Variants in C17orf67 observed in about 807,000 individuals in gnomAD.
C17orf67 encodes uncharacterized protein C17orf67.
A neutral mutation model predicts 11.2 loss-of-function variants in C17orf67; 12 were observed. That is an observed-to-expected ratio of 1.07 (90% CI 0.68 to 1.73). C17orf67 has a LOEUF of 1.73. Among genes scored for constraint, C17orf67 ranks in the 40% most tolerant of loss-of-function variants. C17orf67 has a pLI of 0.00. For synonymous variants in C17orf67, 59 were observed against 46.9 expected (o/e 1.26, Z -1.05); for missense variants, 115 against 113.5 (o/e 1.01, Z -0.06).
At chr17:56,823,750 C>G (rs1905961014) in intron 4 of C17orf67, among the ~76,000 whole-genome samples, 1 of 152,096 alleles carries the variant, frequency 6.6e-6, no homozygotes, top group African/African-American at 2.4e-5. Context: ...CACACAAAAA[C>G]CTGCACACAG....
chr17:56,820,533 A>G (rs760924115), intron 4 of C17orf67, among the ~76,000 whole-genome samples: 16 of 152,210 alleles, frequency 1.1e-4, no homozygotes, highest in Admixed American at 2.6e-4. Flanking sequence ...AAGTACCCAG[A>G]GAAAACCCAC....
chr17:56,812,933 C>T (rs1717876680), intron 6 of C17orf67, among the ~76,000 whole-genome samples: 2 of 152,174 alleles, frequency 1.3e-5, no homozygotes, highest in African/African-American at 4.8e-5. Flanking sequence ...GCAATTCAAA[C>T]CCACCTGTTC....
intron 6 of C17orf67, among the ~76,000 whole-genome samples, chr17:56,809,242 C>T (rs982205821): frequency 1.3e-5 from 2 of 151,766 alleles, no homozygotes; most frequent in East Asian, 1.9e-4. Flanking sequence ...CTCTAAAGGG[C>T]CCCTGGAAAC....
In C17orf67 at chr17:56,833,855, A is replaced by G. The variant is rs2144169450; in HGVS notation, c.-1239T>C. 1 of 151,440 alleles carries G rather than the reference A, an allele frequency of 6.6e-6. No homozygotes were observed. Among genetic ancestry groups the G allele is most frequent in the South Asian group, 2.1e-4 (1 of 4,784 alleles). The allele number at this position is 151,440 out of a possible 1,614,324, so 9.4% of individuals were successfully genotyped here. ...CTTGCCCCGCCGGCGGCTTTCCAGA[A>G]TTTTCTACGATTACGAAGTTTTGGC... is the stretch of plus-strand genomic sequence containing the variant. On this transcript the variant is annotated 5_prime_UTR_variant, in exon 1 of 8. Coordinates refer to ENST00000397861, the MANE Select transcript of C17orf67 (RefSeq NM_001085430.4).
intron 4 of C17orf67, among the ~76,000 whole-genome samples, chr17:56,820,791 G>A (rs62072680): frequency 8.6e-6 from 1 of 116,110 alleles, no homozygotes; most frequent in East Asian, 2.2e-4. Flanking sequence ...TTTTTTTTTG[G>A]AAGGAACTGT....
At position 56,815,292 on chromosome 17, in the gene C17orf67, G is replaced by GT. The variant is rs536128292; in HGVS notation, c.56-324dup. Among the ~76,000 whole-genome samples the GT allele has an allele frequency of 3.9e-5, 6 of 152,092 alleles. No homozygotes were observed. In the South Asian group the frequency reaches 1.0e-3, roughly 26 times the overall value. On this transcript the variant is annotated intron_variant, in intron 5 of 7. Coordinates refer to ENST00000397861, the MANE Select transcript of C17orf67 (RefSeq NM_001085430.4). ...GTGTCTTAGGTTTGCTTTCATGGAA[G>GT]TTTTTTTTAATCCTCACTACACTAA...
rs1406212257 is a variant in C17orf67, at chr17:56,833,795, G to C, written c.-1179C>G. ...GGCGTGAGCGCGGCCCCTGGGCCCCGCGCGGCGCGGTGCTGCGAGGAGGAT... is the reference window on the plus strand; with the variant it reads ...GGCGTGAGCGCGGCCCCTGGGCCCCCCGCGGCGCGGTGCTGCGAGGAGGAT... On this transcript the variant is annotated 5_prime_UTR_variant, in exon 1 of 8. Transcript: ENST00000397861. 6.6e-6 allele frequency: 1 copy of C among 151,884 alleles called. No homozygotes were observed. Among genetic ancestry groups the C allele is most frequent in the Non-Finnish European group, 1.5e-5 (1 of 67,914 alleles). 9.4% of individuals were successfully genotyped at this position (151,884 alleles called of 1,614,324 possible). A position where few individuals can be genotyped will look rare whatever the true frequency, so the allele number is the denominator to read the frequency against.
At chr17:56,809,374 T>C (rs1905532495) in intron 6 of C17orf67, among the ~76,000 whole-genome samples, 4 of 151,944 alleles carry the variant, frequency 2.6e-5, no homozygotes, top group Admixed American at 2.6e-4. Flanking sequence ...AACCTGGCGA[T>C]GCCATCTGCC....
At chr17:56,796,074 AAATATAAAAATGTT>A (rs771780901) in intron 6 of C17orf67, among the ~76,000 whole-genome samples, 4 of 152,236 alleles carry the variant, frequency 2.6e-5, no homozygotes. Context: ...AAAGACTTTA[AAATATAAAAATGTT>A]ACTAGAAATA....
intron 6 of C17orf67, among the ~76,000 whole-genome samples, chr17:56,810,382 C>T (rs1303054011): frequency 6.7e-6 from 1 of 148,294 alleles, no homozygotes; most frequent in Non-Finnish European, 1.5e-5. Flanking sequence ...CTCACACACA[C>T]AAACCCCTCA....
At chr17:56,831,214 A>T (rs1598004238) in intron 2 of C17orf67, among the ~76,000 whole-genome samples, 1 of 151,608 alleles carries the variant, frequency 6.6e-6, no homozygotes, top group African/African-American at 2.4e-5. Flanking sequence ...GGAGGGGGGG[A>T]TGGAGAGATG....
At chr17:56,794,795 C>T (rs1015443352) in intron 7 of C17orf67, among the ~76,000 whole-genome samples, 2 of 152,192 alleles carry the variant, frequency 1.3e-5, no homozygotes, top group East Asian at 1.9e-4. Context: ...AATAGGGTCA[C>T]GTCCCTCCCC....
At chr17:56,819,755 C>G (rs904496889) in intron 4 of C17orf67, among the ~76,000 whole-genome samples, 1 of 152,142 alleles carries the variant, frequency 6.6e-6, no homozygotes, top group Non-Finnish European at 1.5e-5. Context: ...TCTTCTAAAC[C>G]CCATCCCGGT....
At chr17:56,806,943 G>A (rs142296322) in intron 6 of C17orf67, among the ~76,000 whole-genome samples, 15 of 152,312 alleles carry the variant, frequency 9.8e-5, no homozygotes, top group Non-Finnish European at 1.6e-4. Flanking sequence ...AATGTGGAAC[G>A]CTAAGGCAGC....
chr17:56,803,509 G>GT (rs1318077645), intron 6 of C17orf67, among the ~76,000 whole-genome samples: 1 of 152,160 alleles, frequency 6.6e-6, no homozygotes, highest in South Asian at 2.1e-4. Flanking sequence ...TATCCACCCA[G>GT]TTTTTTTATG....
chr17:56,812,562 G>C (rs1296271234), intron 6 of C17orf67, among the ~76,000 whole-genome samples: 1 of 152,136 alleles, frequency 6.6e-6, no homozygotes. Flanking sequence ...CTGGACATTG[G>C]ATGAAGTGTC....
At chr17:56,793,165 A>G (rs1161124817) in intron 7 of C17orf67, among the ~76,000 whole-genome samples, 1 of 151,142 alleles carries the variant, frequency 6.6e-6, no homozygotes. Flanking sequence ...TTTTCCAGGC[A>G]TTGACTTTTT....
In C17orf67 at chr17:56,795,082, G is replaced by C; in HGVS notation, c.255C>G (p.Asn85Lys). ...GATCCCCTTACACAGGATGAATCCTGTTCCTGTCACAGTGGGGTTTGCAGT... is the reference window on the plus strand; with the variant it reads ...GATCCCCTTACACAGGATGAATCCTCTTCCTGTCACAGTGGGGTTTGCAGT... ...NPHCKPHCDR[N>K]RIHPV is the part of the protein sequence containing the mutation. Residue 85 changes from asparagine to lysine, a missense_variant, in exon 7 of 8, where the codon AAC becomes AAG. By Grantham distance (94) the Asn-to-Lys change is moderately conservative. Transcript: ENST00000397861. 6.2e-7 allele frequency: 1 copy of C among 1,614,012 alleles called. No homozygotes were observed. Among genetic ancestry groups the C allele is most frequent in the Non-Finnish European group, 8.5e-7 (1 of 1,179,918 alleles).
intron 4 of C17orf67, 51 bp from the exon 5 acceptor site, chr17:56,816,061 G>A (rs981386617): frequency 1.8e-6 from 1 of 551,114 alleles, no homozygotes; most frequent in Non-Finnish European, 3.0e-6. Context: ...GCTTGAATCT[G>A]AAAAAGCAAC....
Sources: allele counts gnomAD v4.1 joint callset (sites outside exome capture counted in the v4.1 genomes callset), GRCh38; gene constraint gnomAD v4.1.1; transcripts MANE v1.5; gene names NCBI Gene and HGNC (gene_info 2026-07-23, HGNC 2026-07-21).